NDST3: variants seen among roughly 807,000 people sequenced by gnomAD.
The protein encoded by NDST3 is N-deacetylase and N-sulfotransferase 3, also known as bifunctional heparan sulfate N-deacetylase/N-sulfotransferase 3.
Under a neutral mutation model 96.1 loss-of-function variants are expected in NDST3, and 58 were observed. That is an observed-to-expected ratio of 0.60 (90% CI 0.49 to 0.75). The LOEUF is 0.75. Ranked by LOEUF, NDST3 falls within the 30% of genes least tolerant of loss-of-function variation. The pLI is 0.00. For missense variants in NDST3, 788 were observed against 1,034.2 expected (o/e 0.76, Z 3.27); for synonymous variants, 333 against 359.7 (o/e 0.93, Z 0.84).
intron 2 of NDST3, among the ~76,000 whole-genome samples, chr4:118,091,723 TG>T (rs1307548901): frequency 8.6e-5 from 13 of 151,762 alleles, no homozygotes; most frequent in African/African-American, 3.1e-4. Context: ...AGTAGCAATA[TG>T]TTTGTGCCCC....
In NDST3 at chr4:118,114,801, T is replaced by A. The variant is rs200103852; in HGVS notation, c.1070-5T>A. 2 of 1,576,082 alleles carry A rather than the reference T, an allele frequency of 1.3e-6. No individual in the cohort carries two copies. Among genetic ancestry groups the A allele is most frequent in the East Asian group, 2.3e-5 (1 of 44,362 alleles). ...ATTAATTGGATAATATTTCCCCCCC[T>A]AAAGGAACTGAAGAGGAAGATGAAG... On this transcript the variant is annotated splice_polypyrimidine_tract_variant and splice_region_variant and intron_variant, in intron 3 of 13. Transcript: ENST00000296499.
intron 6 of NDST3, among the ~76,000 whole-genome samples, chr4:118,211,258 A>C (rs1738777479): frequency 6.6e-6 from 1 of 152,094 alleles, no homozygotes; most frequent in African/African-American, 2.4e-5. Flanking sequence ...CTGCAAGGGA[A>C]AACTACCCAT....
intron 3 of NDST3, among the ~76,000 whole-genome samples, chr4:118,108,153 T>A (rs1730357091): frequency 6.6e-6 from 1 of 152,210 alleles, no homozygotes; most frequent in Non-Finnish European, 1.5e-5. Flanking sequence ...ACCTCCCCCA[T>A]GATTCAATTA....
At chr4:118,092,538 A>T (rs775621096) in intron 2 of NDST3, among the ~76,000 whole-genome samples, 1 of 151,462 alleles carries the variant, frequency 6.6e-6, no homozygotes, top group African/African-American at 2.4e-5. Flanking sequence ...CTGTCCCTTC[A>T]CTGACCCTCC....
At position 118,220,696 on chromosome 4, in the gene NDST3, A is replaced by G. The variant is rs1283163447; in HGVS notation, c.1540-3795A>G. Among the ~76,000 whole-genome samples the G allele has an allele frequency of 2.0e-5, 3 of 152,016 alleles. 1 individual carries two copies. Among genetic ancestry groups the G allele is most frequent in the South Asian group, 4.1e-4 (2 of 4,826 alleles). ...GTATGAACCAGTTCTCTTTTTAGCA[A>G]TCTTCTGAACATCACCACACATCTG... On this transcript the variant is annotated intron_variant, in intron 6 of 13. Coordinates refer to ENST00000296499, the MANE Select transcript of NDST3 (RefSeq NM_004784.3).
intron 3 of NDST3, among the ~76,000 whole-genome samples, chr4:118,111,713 G>C (rs1406904116): frequency 6.6e-6 from 1 of 151,678 alleles, no homozygotes; most frequent in Non-Finnish European, 1.5e-5. Context: ...AATTTTTTTT[G>C]TATTTTTAGT....
At chr4:118,052,280 G>A (rs978952511) in intron 1 of NDST3, among the ~76,000 whole-genome samples, 1 of 152,112 alleles carries the variant, frequency 6.6e-6, no homozygotes, top group East Asian at 1.9e-4. Flanking sequence ...ATTAACTCAG[G>A]AACAGACAAC....
intron 6 of NDST3, among the ~76,000 whole-genome samples, chr4:118,166,203 T>C (rs566199630): frequency 2.0e-5 from 3 of 151,498 alleles, no homozygotes; most frequent in African/African-American, 7.3e-5. Flanking sequence ...ATAAATAAAA[T>C]TGGAAATGAA....
intron 2 of NDST3, among the ~76,000 whole-genome samples, chr4:118,096,974 A>G (rs1457262749): frequency 6.6e-6 from 1 of 151,964 alleles, no homozygotes; most frequent in Non-Finnish European, 1.5e-5. Context: ...GTCAGGCAGA[A>G]GGAGCTCCCT....
chr4:118,177,975 G>T (rs1736377430), intron 6 of NDST3, among the ~76,000 whole-genome samples: 1 of 151,656 alleles, frequency 6.6e-6, no homozygotes, highest in Admixed American at 6.6e-5. Flanking sequence ...AATAAAGTTG[G>T]ATAGTTACAG....
At chr4:118,182,421 T>C (rs1183937198) in intron 6 of NDST3, among the ~76,000 whole-genome samples, 1 of 152,028 alleles carries the variant, frequency 6.6e-6, no homozygotes, top group Non-Finnish European at 1.5e-5. Context: ...TTGCCACAGG[T>C]AGTAATGACA....
At position 118,233,029 on chromosome 4, in the gene NDST3, T is replaced by C. The variant is rs1408811650; in HGVS notation, c.1837T>C (p.Leu613=). 3 of 1,613,250 alleles carry C rather than the reference T, an allele frequency of 1.9e-6. No individual in the cohort carries two copies. The highest frequency in any genetic ancestry group is 2.5e-6 in the Non-Finnish European group (3 of 1,179,442). Reference sequence around the variant, plus strand: ...CTTTCTAGGTACCACTGCTTTGTATTTGTTCCTGGTTATGCATCCTTCCAT... The same window carrying C: ...CTTTCTAGGTACCACTGCTTTGTATCTGTTCCTGGTTATGCATCCTTCCAT... ...PQKTGTTALY[L]FLVMHPSILS... The change falls in exon 9 of 14, where the codon TTG becomes CTG. Residue 613 remains leucine (L), a synonymous_variant. Coordinates refer to ENST00000296499, the MANE Select transcript of NDST3 (RefSeq NM_004784.3).
chr4:118,240,809 G>A, intron 11 of NDST3, 115 bp downstream of exon 11: 2 of 963,452 alleles, frequency 2.1e-6, no homozygotes, highest in Non-Finnish European at 3.0e-6. Flanking sequence ...CTCTTTAGTT[G>A]TAAATAATGA....
At chr4:118,063,666 G>A (rs766908487) in intron 2 of NDST3, among the ~76,000 whole-genome samples, 1 of 152,138 alleles carries the variant, frequency 6.6e-6, no homozygotes, top group Non-Finnish European at 1.5e-5. Context: ...GAGTATGTAC[G>A]TTGTTTTAAG....
At chr4:118,168,998 A>G (rs952742246) in intron 6 of NDST3, among the ~76,000 whole-genome samples, 4 of 152,190 alleles carry the variant, frequency 2.6e-5, no homozygotes, top group African/African-American at 9.6e-5. Flanking sequence ...TAAATTTTCA[A>G]TTATGCAAGA....
intron 6 of NDST3, among the ~76,000 whole-genome samples, chr4:118,202,077 T>C (rs1339825712): frequency 6.6e-6 from 1 of 152,224 alleles, no homozygotes; most frequent in Non-Finnish European, 1.5e-5. Context: ...CTCAGCCTTG[T>C]TGAAGATCAG....
intron 6 of NDST3, among the ~76,000 whole-genome samples, chr4:118,214,771 A>G (rs1369929310): frequency 6.6e-6 from 1 of 152,182 alleles, no homozygotes; most frequent in Non-Finnish European, 1.5e-5. Context: ...AGTCCAGTTC[A>G]ATAAGAAATG....
At chr4:118,214,996 G>T (rs905836856) in intron 6 of NDST3, among the ~76,000 whole-genome samples, 1 of 152,114 alleles carries the variant, frequency 6.6e-6, no homozygotes, top group Non-Finnish European at 1.5e-5. Flanking sequence ...AGCAGATGAG[G>T]TCCCTGCTCT....
At chr4:118,121,237 T>C (rs1442895798) in intron 4 of NDST3, among the ~76,000 whole-genome samples, 1 of 152,200 alleles carries the variant, frequency 6.6e-6, no homozygotes, top group Admixed American at 6.5e-5. Flanking sequence ...CATATTAATA[T>C]GGTTAGAGAT....
Sources: gnomAD v4.1 joint callset for allele counts (sites outside exome capture counted in the v4.1 genomes callset) on GRCh38, gnomAD v4.1.1 for gene constraint, MANE v1.5 for transcripts, NCBI Gene and HGNC (gene_info 2026-07-23, HGNC 2026-07-21) for gene names.